LRP2: variants seen among roughly 807,000 people sequenced by gnomAD.
The protein encoded by LRP2 is LDL receptor related protein 2.
In LRP2, 172 loss-of-function variants were observed where a neutral mutation model predicts 531.0. The ratio of observed to expected loss-of-function variants is 0.32; its 90% CI spans 0.29 to 0.37. The LOEUF is 0.37. LRP2 is among the 10% of genes least tolerant of loss of function. The probability of loss-of-function intolerance (pLI) is 1.00; values close to 1 mark genes in which losing one functional copy is unlikely to be tolerated. For missense variants in LRP2, 5,167 were observed against 5,868.3 expected, an observed-to-expected ratio of 0.88 and a Z score of 3.90; for synonymous variants, 1,992 against 2,027.6, an observed-to-expected ratio of 0.98 and a Z score of 0.47.
At chr2:169,342,669 T>C (rs1047752442) in intron 1 of LRP2, among the ~76,000 whole-genome samples, 2 of 152,202 alleles carry the variant, frequency 1.3e-5, no homozygotes, top group African/African-American at 4.8e-5. Context: ...TCAGGTCTAG[T>C]TGACTACATC....
chr2:169,136,117 C>T lies in LRP2; in HGVS notation c.13620+1275G>A, dbSNP rs190833578. ...CCTTCTCTTATTCCATTTACTTTTT[C>T]AATTCATACAAAACCGTATCCAGGC... On this transcript the variant is annotated intron_variant, in intron 76 of 78. Coordinates refer to ENST00000649046, the MANE Select transcript of LRP2 (RefSeq NM_004525.3). 3.3e-3 allele frequency among the ~76,000 whole-genome samples: 497 copies of T among 152,170 alleles called. 1 individual carries two copies. Among genetic ancestry groups the T allele is most frequent in the African/African-American group, 0.011 (471 of 41,520 alleles).
At chr2:169,278,795 T>C (rs914518191) in intron 12 of LRP2, among the ~76,000 whole-genome samples, 1 of 152,144 alleles carries the variant, frequency 6.6e-6, no homozygotes, top group Non-Finnish European at 1.5e-5. Context: ...CCTATAACAC[T>C]TCTCAAATGT....
intron 65 of LRP2, 33 bp from the exon 66 acceptor site, chr2:169,154,636 T>G: frequency 1.2e-6 from 2 of 1,602,618 alleles, no homozygotes; most frequent in South Asian, 1.1e-5. Context: ...TTTATCTGTT[T>G]GAATTATACT....
chr2:169,284,205 ACCCACCAAAAGG>A (rs1473605289), intron 9 of LRP2, among the ~76,000 whole-genome samples: 1 of 148,956 alleles, frequency 6.7e-6, no homozygotes, highest in Non-Finnish European at 1.5e-5. Flanking sequence ...CCATTCCATA[ACCCACCAAAAGG>A]CCAAGTTTCT....
At chr2:169,235,779 G>A (rs562524168) in intron 29 of LRP2, 61 bp downstream of exon 29, 29 of 1,275,988 alleles carry the variant, frequency 2.3e-5, no homozygotes, top group Non-Finnish European at 2.9e-5. Context: ...TCTGATACTC[G>A]TCTGATTTCT....
intron 16 of LRP2, among the ~76,000 whole-genome samples, chr2:169,265,739 T>C (rs80006065): frequency 0.011 from 1,723 of 152,096 alleles, 32 homozygotes; most frequent in African/African-American, 0.04. Context: ...CTACTTATGT[T>C]TCTCAGGAAG....
chr2:169,280,391 G>A lies in LRP2; in HGVS notation c.1300C>T (p.His434Tyr). 3 of 1,614,150 alleles carry A rather than the reference G, an allele frequency of 1.9e-6. No homozygotes were observed. The highest frequency in any genetic ancestry group is 2.5e-6 in the Non-Finnish European group (3 of 1,180,016). The change falls in exon 11 of 79, where the codon CAC becomes TAC. Residue 434 changes from histidine (H) to tyrosine (Y), a missense_variant. By Grantham distance (83) the His-to-Tyr change is moderately conservative. This residue lies in a region of LRP2 where 2,811 missense variants were observed against 3,058.0 expected (regional missense o/e 0.92). Coordinates refer to ENST00000649046, the MANE Select transcript of LRP2 (RefSeq NM_004525.3). ...TCTGTCCAAAAAACTCTTTGCAGGT[G>A]ATAGTGGAAAGCCACACCCACGGCC... ...GVAVGVAFHY[H>Y]LQRVFWTDTV...
At chr2:169,205,709 C>T in intron 40 of LRP2, 72 bp from the exon 41 acceptor site, 1 of 1,299,376 alleles carries the variant, frequency 7.7e-7, no homozygotes, top group Admixed American at 1.7e-5. Flanking sequence ...AAAAAAAGGA[C>T]AATATTCTTT....
chr2:169,360,128 C>CAAAAAAA (rs67818940), intron 1 of LRP2, among the ~76,000 whole-genome samples: 1,380 of 104,882 alleles, frequency 0.013, 6 homozygotes, highest in East Asian at 0.045. Context: ...CTGTCTCTCT[C>CAAAAAAA]AAAAAAAAAA....
intron 1 of LRP2, among the ~76,000 whole-genome samples, chr2:169,360,427 T>G (rs1215890953): frequency 7.1e-6 from 1 of 140,854 alleles, no homozygotes; most frequent in Non-Finnish European, 1.6e-5. Context: ...TACACATTAT[T>G]ATTATATATT....
chr2:169,162,287 A>C (rs149605359), intron 63 of LRP2, among the ~76,000 whole-genome samples, 185 bp downstream of exon 63: 4 of 152,362 alleles, frequency 2.6e-5, no homozygotes, highest in African/African-American at 9.6e-5. Context: ...GGCATGTAGA[A>C]TGTTTGACAC....
At chr2:169,137,523 G>C (rs1191168092) in intron 75 of LRP2, 30 bp from the exon 76 acceptor site, 4 of 1,325,008 alleles carry the variant, frequency 3.0e-6, no homozygotes, top group South Asian at 2.3e-5. Context: ...GAGAGAGAGA[G>C]AGAGAGAGAG....
chr2:169,338,563 C>G (rs938121647), intron 1 of LRP2, among the ~76,000 whole-genome samples: 3 of 152,154 alleles, frequency 2.0e-5, no homozygotes, highest in Non-Finnish European at 4.4e-5. Flanking sequence ...TGGATTAACT[C>G]AAGAAGTTTC....
intron 72 of LRP2, among the ~76,000 whole-genome samples, chr2:169,140,244 C>T (rs116080532): frequency 0.011 from 1,691 of 152,320 alleles, 35 homozygotes; most frequent in African/African-American, 0.038. Flanking sequence ...GGCACTTGAA[C>T]CAGATCTCCA....
chr2:169,326,063 T>G (rs1685040708), intron 1 of LRP2, among the ~76,000 whole-genome samples: 1 of 151,298 alleles, frequency 6.6e-6, no homozygotes, highest in African/African-American at 2.4e-5. Flanking sequence ...AATTCATAAC[T>G]ACTATATGCA....
In LRP2 at chr2:169,177,654, G is replaced by A. The variant is rs1238211184; in HGVS notation, c.10393+149C>T. On this transcript the variant is annotated intron_variant, in intron 53 of 78. Coordinates refer to ENST00000649046, the MANE Select transcript of LRP2 (RefSeq NM_004525.3). ...AGGGGGATAAACTCTAAAGATATTT[G>A]CCTACTGTCAACTTTCAGCATATGC... 7.8e-6 allele frequency: 6 copies of A among 773,414 alleles called. No individual in the cohort carries two copies. The African/African-American group carries it at 8.5e-5, about 11-fold the overall frequency. 47.9% of individuals were successfully genotyped at this position (773,414 alleles called of 1,614,324 possible).
chr2:169,166,914 C>A (rs568763854), intron 61 of LRP2, among the ~76,000 whole-genome samples: 1 of 152,306 alleles, frequency 6.6e-6, no homozygotes, highest in South Asian at 2.1e-4. Context: ...CTTGGTATCA[C>A]ACACAGGGAT....
chr2:169,257,160 G>A lies in LRP2; in HGVS notation c.2603C>T (p.Thr868Ile), dbSNP rs150752263. The A allele has an allele frequency of 1.2e-6, 2 of 1,612,936 alleles. No homozygotes were observed. Among genetic ancestry groups the A allele is most frequent in the Non-Finnish European group, 1.7e-6 (2 of 1,179,202 alleles). ...GSHLLPVINT[T>I]LGWPNGLAID... Reference sequence around the variant, plus strand: ...GGCCAAGCCATTGGGCCATCCAAGAGTAGTGTTTATTACAGGCAAGAGGTG... The same window carrying A: ...GGCCAAGCCATTGGGCCATCCAAGAATAGTGTTTATTACAGGCAAGAGGTG... Residue 868 changes from threonine to isoleucine, a missense_variant, in exon 18 of 79, where the codon ACT (threonine) becomes ATT (isoleucine). Thr to Ile is a moderately conservative substitution (Grantham distance 89). Coordinates refer to ENST00000649046, the MANE Select transcript of LRP2 (RefSeq NM_004525.3).
At chr2:169,135,747 C>A (rs563493001) in intron 76 of LRP2, among the ~76,000 whole-genome samples, 1 of 152,116 alleles carries the variant, frequency 6.6e-6, no homozygotes, top group Non-Finnish European at 1.5e-5. Context: ...CCTGTATAGA[C>A]GCTCCTTTTT....
Sources: allele counts gnomAD v4.1 joint callset (sites outside exome capture counted in the v4.1 genomes callset), GRCh38; gene constraint gnomAD v4.1.1; regional missense constraint gnomAD v4.1.1; transcripts MANE v1.5; gene names NCBI Gene and HGNC (gene_info 2026-07-23, HGNC 2026-07-21).